The following PDE6B variants were observed in gnomAD, a reference collection of about 807,000 sequenced individuals.
PDE6B encodes the protein phosphodiesterase 6B, also known as rod cGMP-specific 3',5'-cyclic phosphodiesterase subunit beta.
A neutral mutation model predicts 109.0 loss-of-function variants in PDE6B; 106 were observed. The ratio of observed to expected loss-of-function variants is 0.97; its 90% CI spans 0.83 to 1.14. PDE6B has a LOEUF of 1.14. Ranked by LOEUF, PDE6B falls within the 50% of genes most tolerant of loss-of-function variation. The pLI, the probability that PDE6B is intolerant of heterozygous loss-of-function variation, is 0.00. For synonymous variants in PDE6B, 490 were observed against 471.3 expected, an observed-to-expected ratio of 1.04 and a Z score of -0.51; for missense variants, 1,193 against 1,155.6, an observed-to-expected ratio of 1.03 and a Z score of -0.47.
At chr4:656,840 G>C (rs764428194) in intron 8 of PDE6B, 34 bp from the exon 9 acceptor site, 22 of 1,610,824 alleles carry the variant, frequency 1.4e-5, no homozygotes. Flanking sequence ...GCCAGCCTCA[G>C]GGCGGAGCTC....
At chr4:629,096 G>C (rs560577203) in intron 1 of PDE6B, among the ~76,000 whole-genome samples, 8 of 152,316 alleles carry the variant, frequency 5.3e-5, no homozygotes, top group African/African-American at 1.9e-4. Context: ...CAATGGGCCA[G>C]CCGGGTGAGA....
At chr4:669,916 G>T in intron 21 of PDE6B, 130 bp from the exon 22 acceptor site, 1 of 784,684 alleles carries the variant, frequency 1.3e-6, no homozygotes, top group Admixed American at 1.7e-5. Flanking sequence ...AATCGGCTTG[G>T]GCTGGTCACA....
rs28586910 is a variant in PDE6B at position 662,815 on chromosome 4, G to T, written c.1832+197G>T. ...GACCAGCCTGGGCAACATGGCAAGA[G>T]CTCTCCTCTACAAAAACTTAAAAAA... On this transcript the variant is annotated intron_variant, in intron 14 of 21. Coordinates refer to ENST00000496514, the MANE Select transcript of PDE6B (RefSeq NM_000283.4). The surrounding 1 kb of genome is among the most constrained non-coding windows in gnomAD (Gnocchi z 4.3). 0.19 allele frequency among the ~76,000 whole-genome samples: 28,266 copies of T among 146,382 alleles called. 3,180 individuals are homozygous for T. The highest frequency in any genetic ancestry group is 0.31 in the African/African-American group (12,115 of 39,308).
At position 626,976 on chromosome 4, in the gene PDE6B, C is replaced by T. The variant is rs773920003; in HGVS notation, c.468+882C>T. Among the ~76,000 whole-genome samples the T allele has an allele frequency of 1.2e-4, 18 of 152,172 alleles. No homozygotes were observed. The highest frequency in any genetic ancestry group is 2.5e-4 in the Non-Finnish European group (17 of 68,034). ...CCCTGTCCTGCACCCGTCCCAGCTT[C>T]CTCTCCCCTTTTCTGTCCCCACAGC... On this transcript the variant is annotated intron_variant, in intron 1 of 21. Coordinates refer to ENST00000496514, the MANE Select transcript of PDE6B (RefSeq NM_000283.4). This position sits in a 1 kb window ranked among gnomAD's most constrained non-coding sequence, Gnocchi z 4.6.
intron 1 of PDE6B, among the ~76,000 whole-genome samples, chr4:628,206 A>G (rs761806929): frequency 2.6e-5 from 4 of 152,202 alleles, no homozygotes; most frequent in Non-Finnish European, 5.9e-5. Context: ...AGCCTCATGA[A>G]GTGCATCTCA....
chr4:656,379 C>G lies in PDE6B; in HGVS notation c.1107+87C>G, dbSNP rs953125475. On this transcript the variant is annotated intron_variant, in intron 8 of 21. Coordinates refer to ENST00000496514, the MANE Select transcript of PDE6B (RefSeq NM_000283.4). ...CGATGATGAAGTGAATTCGTTTTTG[C>G]CACTTAAAAAACAACTTCAGCCAGG... is the stretch of plus-strand genomic sequence containing the variant. 1.8e-5 allele frequency: 17 copies of G among 970,594 alleles called. No individual in the cohort carries two copies. In the Admixed American group the frequency reaches 2.5e-4, roughly 15 times the overall value. 60.1% of individuals were successfully genotyped at this position (970,594 alleles called of 1,614,324 possible).
chr4:666,516 T>G lies in PDE6B; in HGVS notation c.2269-15T>G. 3.1e-6 allele frequency: 5 copies of G among 1,598,290 alleles called. No homozygotes were observed. The highest frequency in any genetic ancestry group is 4.3e-6 in the Non-Finnish European group (5 of 1,166,042). On this transcript the variant is annotated splice_polypyrimidine_tract_variant and intron_variant, in intron 19 of 21. Transcript: ENST00000496514. The surrounding 1 kb of genome is among the most constrained non-coding windows in gnomAD (Gnocchi z 5.6). Reference sequence around the variant, plus strand: ...CCCTGGTCACTGTTCTCCCGCCCTCTGTTCCTCCCACCAGCCTATGATGGA... The same window carrying G: ...CCCTGGTCACTGTTCTCCCGCCCTCGGTTCCTCCCACCAGCCTATGATGGA...
chr4:662,278 C>T lies in PDE6B; in HGVS notation c.1722+37C>T, dbSNP rs564312634. 3.1e-5 allele frequency: 37 copies of T among 1,189,954 alleles called. No individual in the cohort carries two copies. In the East Asian group the frequency reaches 7.6e-4, roughly 24 times the overall value. The allele number at this position is 1,189,954 out of a possible 1,614,324, so 73.7% of individuals were successfully genotyped here. ...CCAGAATCACCAGGGTTGTGCAGGC[C>T]CTCCTGGTACCAAGGGCAGCACTCA... On this transcript the variant is annotated intron_variant, in intron 13 of 21. Transcript: ENST00000496514. The surrounding 1 kb of genome is among the most constrained non-coding windows in gnomAD (Gnocchi z 4.3).
chr4:664,737 C>T (rs1170329487), intron 17 of PDE6B, 144 bp from the exon 18 acceptor site: 5 of 749,860 alleles, frequency 6.7e-6, no homozygotes, highest in South Asian at 1.4e-5. Flanking sequence ...AATCGGGAGG[C>T]GGAGGTTGCA....
rs1303152979 is a variant in PDE6B, at chr4:666,892, G to A, written c.2352+278G>A. ...CAGAATGTCCTCTGCTAGCCTCCAG[G>A]CCTACCCCAGAAGTTCTCCCTCAGT... On this transcript the variant is annotated intron_variant, in intron 20 of 21. Transcript: ENST00000496514. The surrounding 1 kb of genome is among the most constrained non-coding windows in gnomAD (Gnocchi z 5.6). 6.6e-6 allele frequency among the ~76,000 whole-genome samples: 1 copy of A among 152,206 alleles called. No homozygotes were observed. Among genetic ancestry groups the A allele is most frequent in the Non-Finnish European group, 1.5e-5 (1 of 68,036 alleles).
rs988544820 is a variant in PDE6B, at chr4:663,461, G to A, written c.1920+274G>A. Reference sequence around the variant, plus strand: ...GGGAAGCGGCCCGGGACCCACCAGCGGGGGAATGAAGGGCAGCCGAGCCCT... The same window carrying A: ...GGGAAGCGGCCCGGGACCCACCAGCAGGGGAATGAAGGGCAGCCGAGCCCT... On this transcript the variant is annotated intron_variant, in intron 15 of 21. Coordinates refer to ENST00000496514, the MANE Select transcript of PDE6B (RefSeq NM_000283.4). This position sits in a 1 kb window ranked among gnomAD's most constrained non-coding sequence, Gnocchi z 4.0. Among the ~76,000 whole-genome samples the A allele has an allele frequency of 6.6e-6, 1 of 152,196 alleles. No homozygotes were observed. Among genetic ancestry groups the A allele is most frequent in the Non-Finnish European group, 1.5e-5 (1 of 68,016 alleles).
intron 5 of PDE6B, 116 bp downstream of exon 5, chr4:654,270 G>GGTGGGACCCCGGGTGCCTGTCT: frequency 1.1e-6 from 1 of 929,410 alleles, no homozygotes; most frequent in South Asian, 1.4e-5. Flanking sequence ...GGAACTGGCC[G>GGTGGGACCCCGGGTGCCTGTCT]GTGGGACCCC....
At chr4:655,471 G>A in intron 6 of PDE6B, 1 of 304,656 alleles carries the variant, frequency 3.3e-6, no homozygotes, top group Non-Finnish European at 6.3e-6. Context: ...GGTCAGGGTG[G>A]CAGGGCAGGC....
rs946893528 is a variant in PDE6B at position 666,416 on chromosome 4, C to T, written c.2269-115C>T. 4.4e-5 allele frequency: 33 copies of T among 749,424 alleles called. No individual in the cohort carries two copies. The highest frequency in any genetic ancestry group is 7.3e-5 in the Admixed American group (4 of 54,464). The allele number at this position is 749,424 out of a possible 1,614,324, so 46.4% of individuals were successfully genotyped here. A position where few individuals can be genotyped will look rare whatever the true frequency, so the allele number is the denominator to read the frequency against. On this transcript the variant is annotated intron_variant, in intron 19 of 21. Coordinates refer to ENST00000496514, the MANE Select transcript of PDE6B (RefSeq NM_000283.4). The surrounding 1 kb of genome is among the most constrained non-coding windows in gnomAD (Gnocchi z 5.6). ...AGAGCCAGTTTCTGTCAGGCAGGCT[C>T]GTCCCAGGCTGTGTCTCCATGAGCA...
chr4:656,821 CG>C, intron 8 of PDE6B, 52 bp from the exon 9 acceptor site: 1 of 1,593,546 alleles, frequency 6.3e-7, no homozygotes, highest in South Asian at 1.1e-5. Context: ...GCCACACGCC[CG>C]GGCCAGGGCC....
In PDE6B at chr4:625,647, G is replaced by C; in HGVS notation, c.21G>C (p.Gln7His). Reference protein sequence around the residue: MSLSEEQARSFLDQNPD... With the variant: MSLSEEHARSFLDQNPD... ...CCACCATGAGCCTCAGTGAGGAGCAGGCCCGGAGCTTTCTGGACCAGAACC... is the reference window on the plus strand; with the variant it reads ...CCACCATGAGCCTCAGTGAGGAGCACGCCCGGAGCTTTCTGGACCAGAACC... Residue 7 changes from glutamine to histidine, a missense_variant, in exon 1 of 22, where the codon CAG becomes CAC. Transcript: ENST00000496514. This position sits in a 1 kb window ranked among gnomAD's most constrained non-coding sequence, Gnocchi z 5.0. 6.2e-7 allele frequency: 1 copy of C among 1,613,676 alleles called. No individual in the cohort carries two copies. The highest frequency in any genetic ancestry group is 2.2e-5 in the East Asian group (1 of 44,874).
At chr4:664,090 A>C in intron 16 of PDE6B, 24 bp from the exon 17 acceptor site, 1 of 1,499,990 alleles carries the variant, frequency 6.7e-7, no homozygotes, top group Non-Finnish European at 9.3e-7. Flanking sequence ...TCCCACCTGC[A>C]CCTCCCTTGT....
At chr4:660,408 G>A in intron 11 of PDE6B, 59 bp from the exon 12 acceptor site, 2 of 1,562,818 alleles carry the variant, frequency 1.3e-6, no homozygotes, top group Non-Finnish European at 1.8e-6. Flanking sequence ...AAGAAAGGAT[G>A]AGAAGCAAGT....
Position 662,651 on chromosome 4 carries a change from C to G in PDE6B, c.1832+33C>G. Reference sequence around the variant, plus strand: ...CCTCAGGGCGGGCATGTGAATTAGCCCTAAATCAACTCCACGCCCTTGGCG... The same window carrying G: ...CCTCAGGGCGGGCATGTGAATTAGCGCTAAATCAACTCCACGCCCTTGGCG... On this transcript the variant is annotated intron_variant, in intron 14 of 21. Coordinates refer to ENST00000496514, the MANE Select transcript of PDE6B (RefSeq NM_000283.4). This position sits in a 1 kb window ranked among gnomAD's most constrained non-coding sequence, Gnocchi z 4.3. The G allele has an allele frequency of 7.8e-7, 1 of 1,278,008 alleles. No individual in the cohort carries two copies. Among genetic ancestry groups the G allele is most frequent in the Non-Finnish European group, 1.1e-6 (1 of 873,802 alleles). 79.2% of individuals were successfully genotyped at this position (1,278,008 alleles called of 1,614,324 possible).
Sources: allele counts gnomAD v4.1 joint callset (sites outside exome capture counted in the v4.1 genomes callset), GRCh38; gene constraint gnomAD v4.1.1; non-coding constraint Gnocchi (gnomAD v3.1); transcripts MANE v1.5; gene names NCBI Gene and HGNC (gene_info 2026-07-23, HGNC 2026-07-21).